Variants in BRD10 observed in about 807,000 individuals in gnomAD.
BRD10 encodes the protein uncharacterized bromodomain-containing protein 10.
chr9:5,995,376 G>C, the BRD10 span, among the ~76,000 whole-genome samples: 3 of 152,176 alleles, frequency 2.0e-5, no homozygotes, highest in East Asian at 5.8e-4. Context: ...AGTGAAAAAT[G>C]TGCCTCCAAT....
At chr9:5,986,316 T>C in the BRD10 span, among the ~76,000 whole-genome samples, 4 of 152,248 alleles carry the variant, frequency 2.6e-5, no homozygotes, top group Non-Finnish European at 5.9e-5. Context: ...TTCCTTTTTA[T>C]GGCTGCAGAG....
the BRD10 span, among the ~76,000 whole-genome samples, chr9:5,971,642 T>C: frequency 6.6e-6 from 1 of 152,234 alleles, no homozygotes; most frequent in Non-Finnish European, 1.5e-5. Context: ...ATTTGGTATT[T>C]ATATATTACA....
the BRD10 span, chr9:5,919,980 C>G: frequency 1.9e-6 from 3 of 1,613,948 alleles, no homozygotes; most frequent in Non-Finnish European, 2.5e-6. Flanking sequence ...GACTTAATTA[C>G]TGAAGTCAGT....
chr9:5,958,687 G>T, the BRD10 span, among the ~76,000 whole-genome samples: 2 of 152,150 alleles, frequency 1.3e-5, no homozygotes, highest in African/African-American at 4.8e-5. Context: ...CCTAGATTTA[G>T]CCTTTCCATG....
chr9:5,993,085 G>A, the BRD10 span, among the ~76,000 whole-genome samples: 2 of 152,088 alleles, frequency 1.3e-5, no homozygotes, highest in Non-Finnish European at 2.9e-5. Flanking sequence ...GGAGGCCAAG[G>A]CGGGTGGATC....
chr9:6,004,932 C>T, the BRD10 span, among the ~76,000 whole-genome samples: 1 of 152,094 alleles, frequency 6.6e-6, no homozygotes, highest in African/African-American at 2.4e-5. Context: ...TTGCATACAT[C>T]AAATACAAAA....
At chr9:5,961,933 C>CT in the BRD10 span, among the ~76,000 whole-genome samples, 1 of 141,698 alleles carries the variant, frequency 7.1e-6, no homozygotes, top group African/African-American at 2.5e-5. Flanking sequence ...AAACCAGCTC[C>CT]TGGATTCATT....
the BRD10 span, chr9:5,921,781 A>T: frequency 1.2e-6 from 2 of 1,614,006 alleles, no homozygotes; most frequent in Admixed American, 1.7e-5. Context: ...ATGGTAGTAG[A>T]GTACTAGAAC....
chr9:5,901,530 T>C, the BRD10 span, among the ~76,000 whole-genome samples: 1 of 152,176 alleles, frequency 6.6e-6, no homozygotes, highest in African/African-American at 2.4e-5. Context: ...TCTTTTTCTT[T>C]TTTTTTGAGA....
the BRD10 span, among the ~76,000 whole-genome samples, chr9:6,002,955 G>C: frequency 1.3e-5 from 2 of 152,234 alleles, no homozygotes; most frequent in East Asian, 3.9e-4. Flanking sequence ...TAAGTGCCGG[G>C]ATTACAGGCG....
the BRD10 span, among the ~76,000 whole-genome samples, chr9:5,971,124 G>A: frequency 6.9e-6 from 1 of 145,748 alleles, no homozygotes; most frequent in Non-Finnish European, 1.5e-5. Flanking sequence ...TTAAAGATGT[G>A]AACAACAAAA....
chr9:5,910,068 G>A, the BRD10 span: 2 of 152,178 alleles, frequency 1.3e-5, no homozygotes, highest in African/African-American at 4.8e-5. Context: ...AATGGTCACA[G>A]AAGGCTATGA....
the BRD10 span, among the ~76,000 whole-genome samples, chr9:5,991,284 T>C: frequency 1.3e-5 from 2 of 152,150 alleles, no homozygotes; most frequent in African/African-American, 2.4e-5. Context: ...GTAGTGTATC[T>C]GTACATGCAT....
chr9:5,983,727 A>G, the BRD10 span, among the ~76,000 whole-genome samples: 1 of 152,110 alleles, frequency 6.6e-6, no homozygotes, highest in Non-Finnish European at 1.5e-5. Context: ...AGCAAGATAA[A>G]CACAAACACA....
chr9:5,943,369 G>C, the BRD10 span, among the ~76,000 whole-genome samples: 2 of 152,008 alleles, frequency 1.3e-5, no homozygotes, highest in East Asian at 3.8e-4. Context: ...ATAAATAAAA[G>C]TTATGTTTAA....
chr9:5,946,134 G>T, the BRD10 span, among the ~76,000 whole-genome samples: 2 of 151,870 alleles, frequency 1.3e-5, no homozygotes, highest in Non-Finnish European at 2.9e-5. Flanking sequence ...CTTCTATTAG[G>T]TTAAACCATA....
At chr9:5,948,214 T>C in the BRD10 span, among the ~76,000 whole-genome samples, 1 of 152,126 alleles carries the variant, frequency 6.6e-6, no homozygotes, top group Non-Finnish European at 1.5e-5. Flanking sequence ...CTCCAATTCA[T>C]ATAAAAGGTA....
chr9:5,929,083 G>T, the BRD10 span: 2 of 1,604,898 alleles, frequency 1.2e-6, no homozygotes, highest in Non-Finnish European at 1.7e-6. Context: ...TGGTTCCCAT[G>T]GCAGCAATTC....
the BRD10 span, chr9:5,944,950 G>C: frequency 1.3e-6 from 2 of 1,513,804 alleles, no homozygotes; most frequent in East Asian, 2.4e-5. Flanking sequence ...ATCAAGATTA[G>C]TGCAAATAAG....
Sources: allele counts gnomAD v4.1 joint callset (sites outside exome capture counted in the v4.1 genomes callset), GRCh38; gene constraint gnomAD v4.1.1; transcripts MANE v1.5; gene names NCBI Gene and HGNC (gene_info 2026-07-23, HGNC 2026-07-21).